The following FGF12 variants were observed in gnomAD, a reference collection of about 807,000 sequenced individuals.
FGF12 encodes the protein fibroblast growth factor 12.
FGF12 carries 14 observed loss-of-function variants against 23.6 expected under a neutral mutation model. That is an observed-to-expected ratio of 0.59 (90% CI 0.39 to 0.93). The LOEUF is 0.93. FGF12 is among the 40% of genes least tolerant of loss of function. The pLI is 0.00. For synonymous variants in FGF12, 62 were observed against 77.3 expected (o/e 0.80, Z 1.04); for missense variants, 175 against 217.8 (o/e 0.80, Z 1.24).
intron 4 of FGF12, among the ~76,000 whole-genome samples, chr3:192,193,921 T>C (rs1006118999): frequency 1.3e-5 from 2 of 152,222 alleles, no homozygotes; most frequent in Non-Finnish European, 2.9e-5. Context: ...AATAGCTTTC[T>C]CAACTTTTCT....
intron 4 of FGF12, among the ~76,000 whole-genome samples, chr3:192,282,165 T>C (rs1211392741): frequency 1.3e-5 from 2 of 152,184 alleles, no homozygotes; most frequent in African/African-American, 4.8e-5. Flanking sequence ...TGAACAATTG[T>C]CTGATTAATT....
chr3:192,270,323 G>T lies in FGF12; in HGVS notation c.228+65038C>A, dbSNP rs978708804. ...ATTTCCTGCACCTTAGTTGGTAACT[G>T]TTAAATCAATTCATGAGCAAAGAAC... On this transcript the variant is annotated intron_variant, in intron 4 of 5. Transcript: ENST00000445105. 1.2e-4 allele frequency among the ~76,000 whole-genome samples: 19 copies of T among 152,234 alleles called. 2 individuals carry two copies. The highest frequency in any genetic ancestry group is 1.9e-4 in the African/African-American group (8 of 41,530).
At chr3:192,167,756 TA>T (rs1560175632) in intron 5 of FGF12, among the ~76,000 whole-genome samples, 877 of 32,296 alleles carry the variant, frequency 0.027, 44 homozygotes, top group Non-Finnish European at 0.043. Flanking sequence ...TATATATATA[TA>T]TATATATATA....
At chr3:192,695,800 G>A (rs554613441) in intron 2 of FGF12, among the ~76,000 whole-genome samples, 28 of 152,216 alleles carry the variant, frequency 1.8e-4, no homozygotes, top group Admixed American at 4.6e-4. Flanking sequence ...CTTTCTGCAC[G>A]TTTTATATCC....
At chr3:192,256,033 A>G (rs1235376913) in intron 4 of FGF12, among the ~76,000 whole-genome samples, 1 of 152,092 alleles carries the variant, frequency 6.6e-6, no homozygotes, top group Non-Finnish European at 1.5e-5. Flanking sequence ...TTGTTATGCT[A>G]TTCCAGAAGA....
chr3:192,229,020 T>C (rs953715307), intron 4 of FGF12, among the ~76,000 whole-genome samples: 5 of 152,066 alleles, frequency 3.3e-5, no homozygotes, highest in African/African-American at 9.7e-5. Flanking sequence ...TTTCAGGCTA[T>C]GGTAGAGCTT....
At chr3:192,540,711 T>C (rs545373508) in intron 2 of FGF12, among the ~76,000 whole-genome samples, 150 of 152,080 alleles carry the variant, frequency 9.9e-4, no homozygotes, top group Middle Eastern at 3.4e-3. Context: ...GTGAGGATGA[T>C]GTGTCGATGA....
chr3:192,345,382 T>C (rs566360162), intron 3 of FGF12, among the ~76,000 whole-genome samples: 16 of 152,312 alleles, frequency 1.1e-4, no homozygotes, highest in African/African-American at 1.9e-4. Flanking sequence ...CTGTAAAATA[T>C]TGTTGCTCTT....
chr3:192,469,381 T>TA (rs755031794), intron 2 of FGF12, among the ~76,000 whole-genome samples: 2 of 152,232 alleles, frequency 1.3e-5, no homozygotes, highest in Non-Finnish European at 2.9e-5. Flanking sequence ...TATGTCTATC[T>TA]ATTAAATACT....
At chr3:192,652,042 C>T (rs1434779425) in intron 2 of FGF12, among the ~76,000 whole-genome samples, 1 of 152,184 alleles carries the variant, frequency 6.6e-6, no homozygotes, top group Non-Finnish European at 1.5e-5. Context: ...GGCACCTACT[C>T]TATGCCAGAC....
At chr3:192,253,538 G>C (rs529552456) in intron 4 of FGF12, among the ~76,000 whole-genome samples, 3 of 152,164 alleles carry the variant, frequency 2.0e-5, no homozygotes, top group Non-Finnish European at 4.4e-5. Context: ...ATAAAAATTA[G>C]GATGTTCTCT....
intron 2 of FGF12, among the ~76,000 whole-genome samples, chr3:192,632,782 C>G (rs1463961459): frequency 1.3e-5 from 2 of 152,124 alleles, no homozygotes; most frequent in Admixed American, 1.3e-4. Context: ...AACAAAGTAG[C>G]ACAAAGGGGC....
intron 4 of FGF12, among the ~76,000 whole-genome samples, chr3:192,318,021 C>T (rs1716321076): frequency 6.6e-6 from 1 of 152,222 alleles, no homozygotes; most frequent in Non-Finnish European, 1.5e-5. Context: ...AGACCCACAA[C>T]ATTACTAGGC....
chr3:192,665,966 C>G (rs1372700123), intron 2 of FGF12, among the ~76,000 whole-genome samples: 3 of 152,048 alleles, frequency 2.0e-5, no homozygotes, highest in Admixed American at 1.3e-4. Flanking sequence ...TTTGTTATGA[C>G]TGAGTACATA....
chr3:192,209,280 G>C (rs1270625802), intron 4 of FGF12, among the ~76,000 whole-genome samples: 1 of 152,022 alleles, frequency 6.6e-6, no homozygotes, highest in Non-Finnish European at 1.5e-5. Flanking sequence ...GGATGTAATG[G>C]CTAGAATTCC....
Position 192,408,284 on chromosome 3 carries a change from C to A in FGF12, c.14-47746G>T. On this transcript the variant is annotated intron_variant, in intron 2 of 5. Transcript: ENST00000445105. This position sits in a 1 kb window ranked among gnomAD's most constrained non-coding sequence, Gnocchi z 7.3. ...CTGCGCCCTCCGGCTTGCGCTCCGC[C>A]GGGGCGAGGGCAGGACCTGGGCGGC... The A allele has an allele frequency of 6.7e-7, 1 of 1,492,608 alleles. No individual in the cohort carries two copies. The highest frequency in any genetic ancestry group is 1.3e-5 in the South Asian group (1 of 76,018). 92.5% of individuals were successfully genotyped at this position (1,492,608 alleles called of 1,614,324 possible).
At chr3:192,498,141 T>G (rs1296250243) in intron 2 of FGF12, among the ~76,000 whole-genome samples, 1 of 152,232 alleles carries the variant, frequency 6.6e-6, no homozygotes, top group African/African-American at 2.4e-5. Flanking sequence ...AAACTGCAAC[T>G]TGAATGATAA....
At chr3:192,597,363 C>T (rs1021452453) in intron 2 of FGF12, among the ~76,000 whole-genome samples, 8 of 152,128 alleles carry the variant, frequency 5.3e-5, no homozygotes, top group African/African-American at 1.7e-4. Context: ...TACAGTTTTC[C>T]ATTGACTAGT....
At chr3:192,546,263 T>C (rs577156628) in intron 2 of FGF12, among the ~76,000 whole-genome samples, 12 of 152,280 alleles carry the variant, frequency 7.9e-5, no homozygotes, top group African/African-American at 2.9e-4. Context: ...TGAGATATTA[T>C]ACATATAGTG....
Sources: gnomAD v4.1 joint callset for allele counts (sites outside exome capture counted in the v4.1 genomes callset) on GRCh38, gnomAD v4.1.1 for gene constraint, Gnocchi (gnomAD v3.1) non-coding constraint, MANE v1.5 for transcripts, NCBI Gene and HGNC (gene_info 2026-07-23, HGNC 2026-07-21) for gene names.